SVIL: variants seen among roughly 807,000 people sequenced by gnomAD.
SVIL encodes the protein archvillin.
A neutral mutation model predicts 240.4 loss-of-function variants in SVIL; 101 were observed. The observed-to-expected ratio is 0.42, with a 90% confidence interval of 0.36 to 0.50. The LOEUF (loss-of-function observed/expected upper bound fraction) is 0.50, where lower values mean the gene tolerates loss of function less well. SVIL is among the 20% of genes least tolerant of loss of function. The pLI, the probability that SVIL is intolerant of heterozygous loss-of-function variation, is 0.01. For missense variants in SVIL, 2,512 were observed against 2,818.7 expected (o/e 0.89, Z 2.46); for synonymous variants, 999 against 1,100.0 (o/e 0.91, Z 1.82).
intron 35 of SVIL, 138 bp downstream of exon 35, chr10:29,463,354 G>T: frequency 8.3e-7 from 1 of 1,207,660 alleles, no homozygotes. Context: ...GAAAAAATTG[G>T]TTTCATCACC....
chr10:29,581,145 C>G (rs1955929103), intron 1 of SVIL, among the ~76,000 whole-genome samples: 1 of 152,190 alleles, frequency 6.6e-6, no homozygotes, highest in South Asian at 2.1e-4. Context: ...ATTTTCATAG[C>G]CCAGTAAAGG....
In SVIL at chr10:29,555,214, T is replaced by G. The variant is rs770489395; in HGVS notation, c.-50-106A>C. ...TGAACTGCAAATTTCAGTTCTTGAT[T>G]CCTATGTCACAGTGACATGCAAAAC... On this transcript the variant is annotated intron_variant, in intron 3 of 37. Coordinates refer to ENST00000355867, the MANE Select transcript of SVIL (RefSeq NM_021738.3). The G allele has an allele frequency of 1.9e-4, 219 of 1,139,362 alleles. 1 individual carries two copies. Among genetic ancestry groups the G allele is most frequent in the Admixed American group, 8.5e-5 (3 of 35,348 alleles). 70.6% of individuals were successfully genotyped at this position (1,139,362 alleles called of 1,614,324 possible). A position where few individuals can be genotyped will look rare whatever the true frequency, so the allele number is the denominator to read the frequency against.
intron 1 of SVIL, among the ~76,000 whole-genome samples, chr10:29,588,918 C>A (rs1048032243): frequency 6.6e-6 from 1 of 152,086 alleles, no homozygotes; most frequent in Non-Finnish European, 1.5e-5. Context: ...CCCCCACCCC[C>A]CCTTTTATTC....
intron 1 of SVIL, among the ~76,000 whole-genome samples, chr10:29,577,469 T>C (rs1414247895): frequency 6.6e-6 from 1 of 152,202 alleles, no homozygotes; most frequent in African/African-American, 2.4e-5. Flanking sequence ...TCACTTAGAA[T>C]AATGGTCTCC....
At chr10:29,538,594 C>T (rs1466780418) in intron 6 of SVIL, among the ~76,000 whole-genome samples, 4 of 152,160 alleles carry the variant, frequency 2.6e-5, no homozygotes, top group Non-Finnish European at 4.4e-5. Context: ...GGCAGTGAGC[C>T]GCCGCTCCCA....
chr10:29,683,899 C>T (rs1051049178), intron 2 of SVIL, among the ~76,000 whole-genome samples: 2 of 152,268 alleles, frequency 1.3e-5, no homozygotes, highest in East Asian at 3.9e-4. Flanking sequence ...TCTCTAACCT[C>T]ATGGCACACT....
At chr10:29,568,693 A>G (rs544103974) in intron 2 of SVIL, among the ~76,000 whole-genome samples, 2 of 152,278 alleles carry the variant, frequency 1.3e-5, no homozygotes, top group Admixed American at 1.3e-4. Flanking sequence ...AGCACCCATA[A>G]TATTCTGTGG....
chr10:29,689,023 CA>C (rs1401851185), intron 1 of SVIL, among the ~76,000 whole-genome samples: 1 of 152,098 alleles, frequency 6.6e-6, no homozygotes, highest in Non-Finnish European at 1.5e-5. Flanking sequence ...CATATATATA[CA>C]GTGCAAATAA....
In SVIL at chr10:29,723,509, C is replaced by G. The variant is rs141023887; in HGVS notation, c.-400+12242G>C. Among the ~76,000 whole-genome samples the G allele has an allele frequency of 1.1e-4, 17 of 152,222 alleles. No homozygotes were observed. In the East Asian group the frequency reaches 1.7e-3, roughly 16 times the overall value. ...ACTGTTAAGAAGGCATTACTCTTAG[C>G]AACAACTGTTTGTCCCACCAGACTA... On this transcript the variant is annotated intron_variant, in intron 1 of 35. Coordinates refer to the SVIL transcript ENST00000375400.
At chr10:29,665,559 G>A (rs1331675734) in intron 2 of SVIL, among the ~76,000 whole-genome samples, 2 of 152,136 alleles carry the variant, frequency 1.3e-5, no homozygotes, top group African/African-American at 4.8e-5. Context: ...ACTTTGGGAG[G>A]CCGAGGCTGG....
chr10:29,573,114 C>A (rs1955523672), intron 1 of SVIL, among the ~76,000 whole-genome samples: 1 of 151,878 alleles, frequency 6.6e-6, no homozygotes, highest in Non-Finnish European at 1.5e-5. Context: ...TACATGGGTA[C>A]ATTCAGTGAT....
chr10:29,548,653 C>T (rs1952921748), intron 6 of SVIL, among the ~76,000 whole-genome samples: 3 of 152,124 alleles, frequency 2.0e-5, no homozygotes, highest in African/African-American at 7.2e-5. Context: ...GTGTGATATA[C>T]TTACAGAACT....
chr10:29,507,982 T>C (rs919681084), intron 17 of SVIL: 2 of 194,034 alleles, frequency 1.0e-5, no homozygotes, highest in African/African-American at 4.7e-5. Context: ...CCTTGAATGC[T>C]AATGCTAAAG....
At chr10:29,730,350 C>T (rs180887926) in intron 1 of SVIL, among the ~76,000 whole-genome samples, 2 of 152,138 alleles carry the variant, frequency 1.3e-5, no homozygotes, top group Non-Finnish European at 2.9e-5. Context: ...GAGACTCAAC[C>T]TCCAGCTTCG....
rs374173327 is a variant in SVIL at position 29,529,649 on chromosome 10, T to C, written c.2246+56A>G. On this transcript the variant is annotated intron_variant, in intron 12 of 37. Transcript: ENST00000355867. ...ATTTTCATTGAACACTCTTTAAATG[T>C]ATTTTTTTAAAAAAAGACACTATAG... 6 of 1,524,012 alleles carry C rather than the reference T, an allele frequency of 3.9e-6. No individual in the cohort carries two copies. In the African/African-American group the frequency reaches 8.4e-5, roughly 21 times the overall value. 94.4% of individuals were successfully genotyped at this position (1,524,012 alleles called of 1,614,324 possible).
At chr10:29,592,444 T>G (rs979227033) in intron 1 of SVIL, among the ~76,000 whole-genome samples, 15 of 152,208 alleles carry the variant, frequency 9.9e-5, no homozygotes, top group Non-Finnish European at 4.4e-5. Flanking sequence ...TCACAAAAGC[T>G]GAATACATGT....
upstream of SVIL, among the ~76,000 whole-genome samples, chr10:29,635,993 C>T (rs962664283): frequency 3.3e-5 from 5 of 152,130 alleles, no homozygotes; most frequent in Admixed American, 6.5e-5. Flanking sequence ...CAGAACAATG[C>T]CTCTCCCTAA....
chr10:29,623,956 G>T (rs1957765603), intron 1 of SVIL, among the ~76,000 whole-genome samples: 1 of 152,166 alleles, frequency 6.6e-6, no homozygotes, highest in Admixed American at 6.5e-5. Flanking sequence ...TACCATCTAG[G>T]TTTGTGGAAA....
intron 16 of SVIL, among the ~76,000 whole-genome samples, chr10:29,521,447 AT>A (rs948878729): frequency 3.9e-5 from 6 of 151,966 alleles, no homozygotes; most frequent in Admixed American, 2.0e-4. Context: ...AGTTGACAAG[AT>A]TTTTCTTCAC....
Sources: gnomAD v4.1 joint callset for allele counts (sites outside exome capture counted in the v4.1 genomes callset) on GRCh38, gnomAD v4.1.1 for gene constraint, MANE v1.5 for transcripts, NCBI Gene and HGNC (gene_info 2026-07-23, HGNC 2026-07-21) for gene names.